Variants in RBFOX1 observed in about 807,000 individuals in gnomAD.
RBFOX1 encodes the protein RNA binding fox-1 homolog 1, also known as RNA binding protein fox-1 homolog 1.
Under a neutral mutation model 57.7 loss-of-function variants are expected in RBFOX1, and 8 were observed. That is an observed-to-expected ratio of 0.14 (90% confidence interval 0.08 to 0.25). The LOEUF (loss-of-function observed/expected upper bound fraction) is 0.25. Among genes scored for constraint, RBFOX1 ranks in the 10% least tolerant of loss-of-function variants. The pLI, the probability that RBFOX1 is intolerant of heterozygous loss-of-function variation, is 1.00. For missense variants in RBFOX1, 611 were observed against 548.5 expected (o/e 1.11, Z -1.14); for synonymous variants, 326 against 222.4 (o/e 1.47, Z -4.15).
chr16:5,951,565 T>C (rs2059521020), intron 4 of RBFOX1, among the ~76,000 whole-genome samples: 1 of 152,104 alleles, frequency 6.6e-6, no homozygotes, highest in South Asian at 2.1e-4. Flanking sequence ...GTATTTTTGT[T>C]GAGTTTGCTG....
At chr16:6,306,859 C>T (rs148938824) in intron 1 of RBFOX1, among the ~76,000 whole-genome samples, 70 of 152,192 alleles carry the variant, frequency 4.6e-4, no homozygotes, top group South Asian at 1.9e-3. Context: ...CCCAAAACTC[C>T]CCCATTTAAG....
At chr16:6,286,302 G>C (rs759447592) in intron 1 of RBFOX1, among the ~76,000 whole-genome samples, 1 of 152,194 alleles carries the variant, frequency 6.6e-6, no homozygotes, top group African/African-American at 2.4e-5. Context: ...TTCCCAGACA[G>C]TGAGAAATGC....
At chr16:5,331,413 C>T (rs906896963) in intron 1 of RBFOX1, among the ~76,000 whole-genome samples, 8 of 152,272 alleles carry the variant, frequency 5.3e-5, no homozygotes, top group Non-Finnish European at 8.8e-5. Flanking sequence ...TAGACTCATT[C>T]ATGTGTCTGG....
At chr16:6,548,749 C>A (rs1018502226) in intron 2 of RBFOX1, among the ~76,000 whole-genome samples, 1 of 152,072 alleles carries the variant, frequency 6.6e-6, no homozygotes, top group Admixed American at 6.5e-5. Context: ...TACCAGGCAT[C>A]GTTAGGTTTC....
intron 3 of RBFOX1, among the ~76,000 whole-genome samples, chr16:5,799,203 T>C (rs2054978792): frequency 6.6e-6 from 1 of 151,852 alleles, no homozygotes; most frequent in South Asian, 2.1e-4. Flanking sequence ...AACCATCAGA[T>C]CTCGTGAGAC....
intron 2 of RBFOX1, among the ~76,000 whole-genome samples, chr16:6,365,878 C>T (rs1319444967): frequency 6.6e-6 from 1 of 152,128 alleles, no homozygotes; most frequent in African/African-American, 2.4e-5. Context: ...TAACTCAATA[C>T]CTAGAATAGA....
At chr16:5,250,542 C>G (rs1363441924) in intron 1 of RBFOX1, among the ~76,000 whole-genome samples, 1 of 152,220 alleles carries the variant, frequency 6.6e-6, no homozygotes, top group Admixed American at 6.5e-5. Context: ...CTGTTCCTGT[C>G]CACACCTTTT....
chr16:6,284,528 G>T (rs1301835273), intron 1 of RBFOX1, among the ~76,000 whole-genome samples: 1 of 152,280 alleles, frequency 6.6e-6, no homozygotes, highest in East Asian at 1.9e-4. Flanking sequence ...TTCATTTAAT[G>T]CCATTTTTAT....
Position 6,556,731 on chromosome 16 carries a change from G to T in RBFOX1, c.-63-97872G>T, listed in dbSNP as rs950448249. ...TTGTGATGATCTGCCGTAGAAATTTGCATTTAAAAGAAAAAGTGGCAGAAA... is the reference window on the plus strand; with the variant it reads ...TTGTGATGATCTGCCGTAGAAATTTTCATTTAAAAGAAAAAGTGGCAGAAA... On this transcript the variant is annotated intron_variant, in intron 2 of 15. Coordinates refer to ENST00000550418, the MANE Select transcript of RBFOX1 (RefSeq NM_018723.4). Among the ~76,000 whole-genome samples the T allele has an allele frequency of 3.9e-5, 6 of 152,222 alleles. No individual in the cohort carries two copies. The East Asian group carries it at 1.2e-3, about 29-fold the overall frequency.
Position 7,022,922 on chromosome 16 carries a change from C to G in RBFOX1, c.-15-29135C>G, listed in dbSNP as rs565407578. 1.1e-4 allele frequency among the ~76,000 whole-genome samples: 17 copies of G among 152,288 alleles called. No individual in the cohort carries two copies. The East Asian group carries it at 2.5e-3, about 23-fold the overall frequency. On this transcript the variant is annotated intron_variant, in intron 3 of 15. Coordinates refer to ENST00000550418, the MANE Select transcript of RBFOX1 (RefSeq NM_018723.4). ...AGGGCTTGCACCCCATTGTCTCACT[C>G]TTGAGTCTTCATTCTTTATCACTAA...
intron 3 of RBFOX1, among the ~76,000 whole-genome samples, chr16:6,666,243 T>A (rs13331239): frequency 0.088 from 13,350 of 152,128 alleles, 669 homozygotes; most frequent in East Asian, 0.18. Context: ...AGTTGAAGAA[T>A]GTGACTGAGG....
chr16:7,657,156 T>A (rs931356067), intron 12 of RBFOX1, among the ~76,000 whole-genome samples: 1 of 152,184 alleles, frequency 6.6e-6, no homozygotes, highest in Non-Finnish European at 1.5e-5. Context: ...GCTTCCACAT[T>A]TTCTTCCTCC....
At chr16:6,518,741 C>T (rs190535879) in intron 2 of RBFOX1, among the ~76,000 whole-genome samples, 1 of 152,100 alleles carries the variant, frequency 6.6e-6, no homozygotes, top group Admixed American at 6.5e-5. Flanking sequence ...ATCCATCTAT[C>T]TCTGTCTGTC....
At chr16:7,197,787 G>C (rs1047483952) in intron 4 of RBFOX1, among the ~76,000 whole-genome samples, 2 of 152,118 alleles carry the variant, frequency 1.3e-5, no homozygotes, top group South Asian at 2.1e-4. Flanking sequence ...ATGTAGATGA[G>C]AGCATTATGC....
At chr16:5,891,471 T>G (rs550563250) in intron 4 of RBFOX1, among the ~76,000 whole-genome samples, 13 of 152,322 alleles carry the variant, frequency 8.5e-5, no homozygotes, top group South Asian at 8.3e-4. Flanking sequence ...TGGAATTCAG[T>G]TTTAAAATAG....
chr16:6,933,424 C>A (rs1023589403), intron 3 of RBFOX1, among the ~76,000 whole-genome samples: 4 of 152,184 alleles, frequency 2.6e-5, no homozygotes, highest in African/African-American at 9.7e-5. Context: ...GAAATAATGG[C>A]CATCCTGGCC....
intron 3 of RBFOX1, among the ~76,000 whole-genome samples, chr16:5,640,742 A>G (rs1309264192): frequency 1.3e-5 from 2 of 151,094 alleles, no homozygotes; most frequent in Admixed American, 1.3e-4. Context: ...CCATGCACAT[A>G]CACACATGTA....
At chr16:7,699,815 C>T (rs896288624) in intron 14 of RBFOX1, among the ~76,000 whole-genome samples, 1 of 151,780 alleles carries the variant, frequency 6.6e-6, no homozygotes, top group Non-Finnish European at 1.5e-5. Context: ...TTATGTTTCT[C>T]TCAATCCCAT....
Position 7,711,002 on chromosome 16 carries a change from A to G in RBFOX1, c.*257A>G, listed in dbSNP as rs966237107. On this transcript the variant is annotated 3_prime_UTR_variant, in exon 16 of 16. Transcript: ENST00000550418. The stretch of plus-strand genomic sequence containing the variant: ...GTAGGAGTTTTTGTGGTTGATCTAG[A>G]CAGATGCTAGATAATGAATAAAAAC... The G allele has an allele frequency of 5.4e-6, 2 of 370,670 alleles. No individual in the cohort carries two copies. Among genetic ancestry groups the G allele is most frequent in the East Asian group, 4.7e-5 (1 of 21,266 alleles). The allele number at this position is 370,670 out of a possible 1,614,324, so 23.0% of individuals were successfully genotyped here.
Sources: gnomAD v4.1 joint callset for allele counts (sites outside exome capture counted in the v4.1 genomes callset) on GRCh38, gnomAD v4.1.1 for gene constraint, MANE v1.5 for transcripts, NCBI Gene and HGNC (gene_info 2026-07-23, HGNC 2026-07-21) for gene names.